SUCO: variants seen among roughly 807,000 people sequenced by gnomAD.
The protein encoded by SUCO is SUN domain containing ossification factor, also known as SUN domain-containing ossification factor.
In SUCO, 57 loss-of-function variants were observed where a neutral mutation model predicts 148.1. The ratio of observed to expected loss-of-function variants is 0.38; its 90% CI spans 0.31 to 0.48. The LOEUF (loss-of-function observed/expected upper bound fraction) is 0.48. Among genes scored for constraint, SUCO ranks in the 20% least tolerant of loss-of-function variants. The pLI is 0.96. For missense variants in SUCO, 1,331 were observed against 1,468.2 expected, an observed-to-expected ratio of 0.91 and a Z score of 1.53; for synonymous variants, 470 against 502.7, an observed-to-expected ratio of 0.93 and a Z score of 0.87.
intron 14 of SUCO, 24 bp downstream of exon 14, chr1:172,578,413 T>C (rs772274670): frequency 1.3e-6 from 2 of 1,588,976 alleles, no homozygotes; most frequent in Middle Eastern, 1.7e-4. Context: ...AACAGATGAC[T>C]GTTAGGTATA....
At chr1:172,585,108 C>A (rs781337510) in intron 16 of SUCO, 22 bp downstream of exon 16, 45 of 1,543,394 alleles carry the variant, frequency 2.9e-5, no homozygotes, top group Non-Finnish European at 4.0e-5. Flanking sequence ...TTTTATGGGT[C>A]TTTTAAATAG....
At chr1:172,558,783 G>C (rs948719176) in intron 6 of SUCO, among the ~76,000 whole-genome samples, 1 of 152,126 alleles carries the variant, frequency 6.6e-6, no homozygotes, top group African/African-American at 2.4e-5. Flanking sequence ...TTAGACAAAC[G>C]TTAAAACACA....
chr1:172,608,681 A>T, intron 22 of SUCO, 66 bp from the exon 23 acceptor site: 2 of 1,058,998 alleles, frequency 1.9e-6, no homozygotes, highest in Non-Finnish European at 2.9e-6. Flanking sequence ...TTTAGTGTTT[A>T]ATTATAGCAA....
chr1:172,533,174 G>GA lies in SUCO; in HGVS notation c.-261dup. Reference sequence around the variant, plus strand: ...TATGGGGCGGCAGTGGCGGCTGCAGGAGGCGGGCGTGGACGAGCCGGTGGC... The same window carrying GA: ...TATGGGGCGGCAGTGGCGGCTGCAGGAAGGCGGGCGTGGACGAGCCGGTGGC... On this transcript the variant is annotated 5_prime_UTR_variant, in exon 1 of 24. An upstream open reading frame in the 5' UTR loses its in-frame stop. Transcript: ENST00000263688. 6.8e-7 allele frequency: 1 copy of GA among 1,477,920 alleles called. No homozygotes were observed. The highest frequency in any genetic ancestry group is 8.9e-7 in the Non-Finnish European group (1 of 1,117,338). 91.6% of individuals were successfully genotyped at this position (1,477,920 alleles called of 1,614,324 possible).
At chr1:172,602,838 C>A in intron 22 of SUCO, 51 bp downstream of exon 22, 1 of 1,453,630 alleles carries the variant, frequency 6.9e-7, no homozygotes, top group South Asian at 1.2e-5. Context: ...AAACTAGCTT[C>A]TGGCATAAAT....
chr1:172,559,580 G>T (rs1237186975), intron 6 of SUCO, among the ~76,000 whole-genome samples: 1 of 152,206 alleles, frequency 6.6e-6, no homozygotes, highest in East Asian at 1.9e-4. Context: ...TCTTTGTGGA[G>T]TAGGGCTACC....
At chr1:172,534,042 G>T (rs1353793782) in intron 1 of SUCO, among the ~76,000 whole-genome samples, 1 of 152,188 alleles carries the variant, frequency 6.6e-6, no homozygotes, top group Non-Finnish European at 1.5e-5. Context: ...CTTGGGGGGC[G>T]TGTGTGTATG....
Position 172,589,342 on chromosome 1 carries a change from A to G in SUCO, c.2241A>G (p.Ile747Met), listed in dbSNP as rs1422423331. Residue 747 changes from isoleucine to methionine, a missense_variant, in exon 18 of 24, where the codon ATA becomes ATG. By Grantham distance (10) the Ile-to-Met change is conservative (BLOSUM62 1). Around this residue, in one of 3 missense-constraint regions of SUCO, gnomAD observed 992 missense variants for 1,093.5 expected, o/e 0.91. Transcript: ENST00000263688. ...CAGAAATCAATCCCTTGCCTAAAAT[A>G]GAAGTATCTGAGTCTGTTGAATATG... ...ITPEINPLPK[I>M]EVSESVEYEA... 5 of 1,613,540 alleles carry G rather than the reference A, an allele frequency of 3.1e-6. No homozygotes were observed. Among genetic ancestry groups the G allele is most frequent in the Non-Finnish European group, 4.2e-6 (5 of 1,179,816 alleles).
At chr1:172,599,817 T>C (rs1396815510) in intron 19 of SUCO, among the ~76,000 whole-genome samples, 1 of 152,238 alleles carries the variant, frequency 6.6e-6, no homozygotes. Flanking sequence ...TATTTCACAT[T>C]GTAGCAGTGG....
intron 1 of SUCO, among the ~76,000 whole-genome samples, chr1:172,544,493 A>G (rs1261126851): frequency 6.6e-6 from 1 of 152,234 alleles, no homozygotes; most frequent in African/African-American, 2.4e-5. Context: ...CACCAACCCC[A>G]GATTGTGGAA....
chr1:172,591,206 G>T (rs560005314), intron 19 of SUCO, 135 bp downstream of exon 19: 220 of 570,040 alleles, frequency 3.9e-4, no homozygotes, highest in Admixed American at 6.5e-4. Context: ...TTATATTAAT[G>T]TGATGTCATG....
At chr1:172,608,850 A>C (rs573479230) in intron 23 of SUCO, 48 bp downstream of exon 23, 132 of 1,285,938 alleles carry the variant, frequency 1.0e-4, no homozygotes, top group Middle Eastern at 9.4e-4. Context: ...TTGTGATAAT[A>C]AATGAAGAAA....
At chr1:172,571,002 G>A (rs556655287) in intron 9 of SUCO, among the ~76,000 whole-genome samples, 26 of 152,332 alleles carry the variant, frequency 1.7e-4, no homozygotes, top group African/African-American at 2.4e-4. Flanking sequence ...ATGCGTAACT[G>A]CAAGAGGAGA....
chr1:172,582,109 C>T (rs770252653), intron 15 of SUCO, among the ~76,000 whole-genome samples: 6 of 152,058 alleles, frequency 3.9e-5, no homozygotes, highest in South Asian at 2.1e-4. Context: ...TTGATATTGG[C>T]GCAGGTCTGC....
chr1:172,565,097 C>A (rs1654462197), intron 6 of SUCO, among the ~76,000 whole-genome samples: 1 of 152,142 alleles, frequency 6.6e-6, no homozygotes, highest in Admixed American at 6.5e-5. Flanking sequence ...CTGTTCTATT[C>A]TATTCTCATG....
At chr1:172,597,022 C>A (rs1657154755) in intron 19 of SUCO, among the ~76,000 whole-genome samples, 1 of 152,244 alleles carries the variant, frequency 6.6e-6, no homozygotes, top group Non-Finnish European at 1.5e-5. Flanking sequence ...TGCTGCCTTG[C>A]AGTTCAATCT....
In SUCO at chr1:172,533,199, C is replaced by T. The variant is rs1382821963; in HGVS notation, c.-237C>T. 17 of 1,510,272 alleles carry T rather than the reference C, an allele frequency of 1.1e-5. No homozygotes were observed. The highest frequency in any genetic ancestry group is 1.5e-5 in the Non-Finnish European group (17 of 1,129,826). The allele number at this position is 1,510,272 out of a possible 1,614,324, so 93.6% of individuals were successfully genotyped here. On this transcript the variant is annotated 5_prime_UTR_variant, in exon 1 of 24. Transcript: ENST00000263688. ...GAGGCGGGCGTGGACGAGCCGGTGG[C>T]TGCAGCGGCGGCGGTCCCCGGAGTC...
intron 22 of SUCO, chr1:172,608,301 C>T (rs78192166): frequency 0.023 from 3,824 of 167,812 alleles, 70 homozygotes; most frequent in Admixed American, 0.037. Flanking sequence ...AACACGGTCA[C>T]GACTACTTGT....
At chr1:172,607,723 AATAAC>A (rs1158491907) in intron 22 of SUCO, among the ~76,000 whole-genome samples, 1 of 151,944 alleles carries the variant, frequency 6.6e-6, no homozygotes. Flanking sequence ...GGTTGATCTG[AATAAC>A]ATAACTGTTT....
Sources: allele counts gnomAD v4.1 joint callset (sites outside exome capture counted in the v4.1 genomes callset), GRCh38; gene constraint gnomAD v4.1.1; regional missense constraint gnomAD v4.1.1; transcripts MANE v1.5; gene names NCBI Gene and HGNC (gene_info 2026-07-23, HGNC 2026-07-21).